Variants in JAZF1 observed in about 807,000 individuals in gnomAD.
JAZF1 encodes JAZF zinc finger 1.
A neutral mutation model predicts 26.4 loss-of-function variants in JAZF1; 8 were observed. That is an observed-to-expected ratio of 0.30 (90% CI 0.18 to 0.55). JAZF1 has a LOEUF of 0.55. JAZF1 is among the 20% of genes least tolerant of loss of function. The pLI, the probability that JAZF1 is intolerant of heterozygous loss-of-function variation, is 0.94. For missense variants in JAZF1, 199 were observed against 322.0 expected (o/e 0.62, Z 2.92); for synonymous variants, 126 against 122.3 (o/e 1.03, Z -0.20).
At position 27,951,241 on chromosome 7, in the gene JAZF1, G is replaced by A. The variant is rs1040155597; in HGVS notation, c.188+40668C>T. Reference sequence around the variant, plus strand: ...TTCATCTGGGTGTGCTAACTTCCCTGTAGGAATGCTACTCTGGCTCACATA... The same window carrying A: ...TTCATCTGGGTGTGCTAACTTCCCTATAGGAATGCTACTCTGGCTCACATA... On this transcript the variant is annotated intron_variant, in intron 2 of 4. Coordinates refer to ENST00000283928, the MANE Select transcript of JAZF1 (RefSeq NM_175061.4). Among the ~76,000 whole-genome samples the A allele has an allele frequency of 2.8e-4, 42 of 152,128 alleles. 1 individual carries two copies. Among genetic ancestry groups the A allele is most frequent in the Admixed American group, 2.0e-3 (31 of 15,272 alleles).
chr7:27,981,416 C>T (rs907903990), intron 2 of JAZF1, among the ~76,000 whole-genome samples: 2 of 152,150 alleles, frequency 1.3e-5, no homozygotes, highest in South Asian at 4.1e-4. Context: ...GGATGCTAGA[C>T]TAGACTGACC....
intron 1 of JAZF1, among the ~76,000 whole-genome samples, chr7:28,131,571 TG>T (rs1235577557): frequency 1.3e-5 from 2 of 152,218 alleles, no homozygotes; most frequent in East Asian, 3.8e-4. Context: ...ATTTGGTCCA[TG>T]GTCGATACAA....
rs565108001 is a variant in JAZF1 at position 28,018,313 on chromosome 7, G to C, written c.116-26332C>G. On this transcript the variant is annotated intron_variant, in intron 1 of 4. Transcript: ENST00000283928. ...TAGTGTGGGGATGAGGCTGGGGAAGGCAGGAGCCAGCTTTCACAGGCCCTT... is the reference window on the plus strand; with the variant it reads ...TAGTGTGGGGATGAGGCTGGGGAAGCCAGGAGCCAGCTTTCACAGGCCCTT... Among the ~76,000 whole-genome samples, 9 of 152,336 alleles carry C rather than the reference G, an allele frequency of 5.9e-5. No individual in the cohort carries two copies. In the South Asian group the frequency reaches 1.5e-3, roughly 25 times the overall value.
At chr7:28,009,426 G>A (rs565215389) in intron 1 of JAZF1, among the ~76,000 whole-genome samples, 5 of 151,308 alleles carry the variant, frequency 3.3e-5, no homozygotes, top group African/African-American at 7.3e-5. Context: ...ACAAACATAC[G>A]AAAGTTTCAC....
chr7:27,916,815 G>C (rs1312168699), intron 2 of JAZF1, among the ~76,000 whole-genome samples: 1 of 152,200 alleles, frequency 6.6e-6, no homozygotes, highest in Non-Finnish European at 1.5e-5. Context: ...GTGTGCACTG[G>C]TCAACTCAAA....
chr7:27,919,419 G>T (rs1784493551), intron 2 of JAZF1, among the ~76,000 whole-genome samples: 1 of 152,204 alleles, frequency 6.6e-6, no homozygotes, highest in South Asian at 2.1e-4. Flanking sequence ...GCTAAAACCT[G>T]TGATGAGAGT....
chr7:27,852,171 G>A (rs1289990772), intron 3 of JAZF1, among the ~76,000 whole-genome samples: 4 of 147,186 alleles, frequency 2.7e-5, no homozygotes, highest in African/African-American at 5.0e-5. Flanking sequence ...TCACTCTGTC[G>A]CCCAGGCTGG....
intron 2 of JAZF1, among the ~76,000 whole-genome samples, chr7:27,913,746 C>T (rs1248668419): frequency 1.0e-5 from 1 of 99,348 alleles, no homozygotes; most frequent in Non-Finnish European, 2.3e-5. Flanking sequence ...TCTGACCTAC[C>T]TTCTTCTTAC....
At position 27,831,144 on chromosome 7, in the gene JAZF1, G is replaced by A. The variant is rs114700625; in HGVS notation, c.*1656C>T. ...AGGACCAAGACCATACTTCAGATCT[G>A]AGGAAATTTTTAGAGGGCAGTGTTT... On this transcript the variant is annotated 3_prime_UTR_variant, in exon 5 of 5. Transcript: ENST00000283928. 1,811 of 223,492 alleles carry A rather than the reference G, an allele frequency of 8.1e-3. 26 individuals are homozygous for A. The highest frequency in any genetic ancestry group is 0.035 in the African/African-American group (1,555 of 44,862). 13.8% of individuals were successfully genotyped at this position (223,492 alleles called of 1,614,324 possible).
In JAZF1 at chr7:28,140,083, C is replaced by CT. The variant is rs67016749; in HGVS notation, c.115+40379dup. ...CCTATAAAAGTTGAAAGTCACAAAT[C>CT]TTTTTTTTTTTTTTTTTGAGACGGA... On this transcript the variant is annotated intron_variant, in intron 1 of 4. Coordinates refer to ENST00000283928, the MANE Select transcript of JAZF1 (RefSeq NM_175061.4). 3.7e-3 allele frequency among the ~76,000 whole-genome samples: 460 copies of CT among 125,102 alleles called. 2 individuals are homozygous for CT. Among genetic ancestry groups the CT allele is most frequent in the African/African-American group, 0.012 (403 of 32,474 alleles). 82.1% of individuals were successfully genotyped at this position (125,102 alleles called of 152,430 possible). A position where few individuals can be genotyped will look rare whatever the true frequency, so the allele number is the denominator to read the frequency against.
At chr7:27,931,553 G>A (rs372320212) in intron 2 of JAZF1, among the ~76,000 whole-genome samples, 5 of 152,248 alleles carry the variant, frequency 3.3e-5, no homozygotes, top group African/African-American at 1.2e-4. Context: ...GGTGGCTCAT[G>A]CCTGTAATCC....
intron 1 of JAZF1, among the ~76,000 whole-genome samples, chr7:28,051,730 TC>T (rs2128380250): frequency 6.6e-6 from 1 of 152,248 alleles, no homozygotes; most frequent in South Asian, 2.1e-4. Flanking sequence ...CCTACAAAGG[TC>T]AGTGCCACCA....
chr7:28,122,949 T>C (rs1336602522), intron 1 of JAZF1, among the ~76,000 whole-genome samples: 3 of 152,136 alleles, frequency 2.0e-5, no homozygotes, highest in African/African-American at 7.2e-5. Context: ...AAGATGCTGA[T>C]ATCCTATCTA....
intron 1 of JAZF1, among the ~76,000 whole-genome samples, chr7:28,159,902 C>T (rs722724): frequency 0.095 from 14,472 of 152,048 alleles, 1,328 homozygotes; most frequent in African/African-American, 0.24. Context: ...CCCTTATAAG[C>T]GAAACCATAA....
intron 1 of JAZF1, among the ~76,000 whole-genome samples, chr7:28,085,486 T>C (rs1244461421): frequency 6.6e-6 from 1 of 152,190 alleles, no homozygotes; most frequent in African/African-American, 2.4e-5. Flanking sequence ...AACCTACAAA[T>C]AGGTAAAGGG....
intron 1 of JAZF1, 166 bp from the exon 2 acceptor site, chr7:27,992,147 T>C (rs1411840614): frequency 5.8e-6 from 4 of 685,408 alleles, no homozygotes; most frequent in Non-Finnish European, 1.1e-5. Context: ...CATTCATTCA[T>C]AAATAACAAG....
chr7:28,100,357 G>A (rs901290765), intron 1 of JAZF1, among the ~76,000 whole-genome samples: 3 of 151,958 alleles, frequency 2.0e-5, no homozygotes, highest in Admixed American at 2.0e-4. Flanking sequence ...GTAAATCACT[G>A]CAAATCCAAA....
chr7:27,956,111 A>G (rs1562539797), intron 2 of JAZF1, among the ~76,000 whole-genome samples: 1 of 152,224 alleles, frequency 6.6e-6, no homozygotes, highest in Non-Finnish European at 1.5e-5. Context: ...ACAGAGTGTC[A>G]AGGAAGTCTG....
intron 2 of JAZF1, among the ~76,000 whole-genome samples, chr7:27,902,828 A>G (rs922904102): frequency 5.3e-5 from 8 of 152,102 alleles, no homozygotes; most frequent in Non-Finnish European, 1.0e-4. Flanking sequence ...CATCTTGGCT[A>G]ACACAGTGAA....
Sources: allele counts gnomAD v4.1 joint callset (sites outside exome capture counted in the v4.1 genomes callset), GRCh38; gene constraint gnomAD v4.1.1; transcripts MANE v1.5; gene names NCBI Gene and HGNC (gene_info 2026-07-23, HGNC 2026-07-21).